VWA3A: variants seen among roughly 807,000 people sequenced by gnomAD.
The protein encoded by VWA3A is von Willebrand factor A domain containing 3A.
In VWA3A, 134 loss-of-function variants were observed where a neutral mutation model predicts 160.4. The ratio of observed to expected loss-of-function variants is 0.84; its 90% CI spans 0.73 to 0.96. The LOEUF (loss-of-function observed/expected upper bound fraction) is 0.96, where lower values mean the gene tolerates loss of function less well. Ranked by LOEUF, VWA3A falls within the 40% of genes least tolerant of loss-of-function variation. The pLI, the probability that VWA3A is intolerant of heterozygous loss-of-function variation, is 0.00. For synonymous variants in VWA3A, 476 were observed against 543.4 expected (o/e 0.88, Z 1.72); for missense variants, 1,310 against 1,447.9 (o/e 0.90, Z 1.55).
intron 14 of VWA3A, 27 bp downstream of exon 14, chr16:22,121,644 G>GGACTGGAGAGAA: frequency 1.9e-6 from 3 of 1,557,400 alleles, no homozygotes; most frequent in Non-Finnish European, 2.7e-6. Context: ...ATTCTCTCCA[G>GGACTGGAGAGAA]TCCTCCACAG....
intron 17 of VWA3A, among the ~76,000 whole-genome samples, chr16:22,130,287 A>C (rs1032747723): frequency 1.3e-5 from 2 of 152,130 alleles, no homozygotes; most frequent in African/African-American, 4.8e-5. Flanking sequence ...GGGGAAAGAG[A>C]AAAGAGCGAA....
intron 21 of VWA3A, among the ~76,000 whole-genome samples, chr16:22,134,995 C>T (rs953016838): frequency 1.3e-5 from 2 of 152,166 alleles, no homozygotes; most frequent in East Asian, 1.9e-4. Context: ...GTGGGCTGAT[C>T]GCTGGAGCCC....
chr16:22,141,770 A>G, intron 24 of VWA3A, 78 bp downstream of exon 24: 1 of 1,259,368 alleles, frequency 7.9e-7, no homozygotes, highest in Non-Finnish European at 1.1e-6. Flanking sequence ...TACCGTGGGA[A>G]GGAGACCCCT....
rs145098178 is a variant in VWA3A, at chr16:22,156,491, C to T, written c.*474C>T. 1.4e-3 allele frequency: 217 copies of T among 152,792 alleles called. 1 individual carries two copies. The highest frequency in any genetic ancestry group is 2.2e-3 in the Non-Finnish European group (151 of 68,446). The allele number at this position is 152,792 out of a possible 1,614,324, so 9.5% of individuals were successfully genotyped here. On this transcript the variant is annotated 3_prime_UTR_variant, in exon 34 of 34. Transcript: ENST00000389398. ...CTCTCGCACTCAGCACTCTATGTCA[C>T]GCCACCTTGCTCGCTGATCTAACTC...
At chr16:22,146,540 A>C (rs1208193016) in intron 27 of VWA3A, among the ~76,000 whole-genome samples, 196 bp downstream of exon 27, 1 of 152,078 alleles carries the variant, frequency 6.6e-6, no homozygotes, top group African/African-American at 2.4e-5. Flanking sequence ...TAATCTCTGC[A>C]CTTTGGGAGG....
intron 20 of VWA3A, among the ~76,000 whole-genome samples, chr16:22,134,105 A>G (rs1467988009): frequency 6.6e-6 from 1 of 152,030 alleles, no homozygotes; most frequent in Non-Finnish European, 1.5e-5. Context: ...CTGGGACTAC[A>G]GGTGTCCACC....
At position 22,144,357 on chromosome 16, in the gene VWA3A, C is replaced by T. The variant is rs774397721; in HGVS notation, c.2703C>T (p.Cys901=). 5.0e-6 allele frequency: 8 copies of T among 1,613,850 alleles called. No homozygotes were observed. In the South Asian group the frequency reaches 8.8e-5, roughly 18 times the overall value. The part of the protein sequence containing the change: ...SGQRSASAKH[C]SIFPSVEIHG... ...AGAGGTCAGCATCCGCCAAACACTG[C>T]AGCATCTTCCCCAGCGTTGAGATCC... Residue 901 remains cysteine (C), a synonymous_variant, in exon 26 of 34, where the codon TGC becomes TGT. Transcript: ENST00000389398.
At chr16:22,126,907 T>G (rs187291744) in intron 17 of VWA3A, among the ~76,000 whole-genome samples, 1 of 149,602 alleles carries the variant, frequency 6.7e-6, no homozygotes, top group East Asian at 2.0e-4. Context: ...ATAAATGGTA[T>G]GCAATTTTTA....
rs779445689 is a variant in VWA3A, at chr16:22,150,754, C to G, written c.3189C>G (p.Asp1063Glu). The G allele has an allele frequency of 1.9e-6, 3 of 1,612,886 alleles. No homozygotes were observed. In the East Asian group the frequency reaches 6.7e-5, roughly 36 times the overall value. The change falls in exon 30 of 34, where the codon GAC (aspartate) becomes GAG (glutamate). Residue 1063 changes from aspartate to glutamate, a missense_variant. Transcript: ENST00000389398. ...GLYLLTDGKP[D>E]TSCSLVLNEV... ...ACCTCCTGACCGACGGAAAGCCAGACACAAGCTGCAGCCTTGTCCTAAATG... is the reference window on the plus strand; with the variant it reads ...ACCTCCTGACCGACGGAAAGCCAGAGACAAGCTGCAGCCTTGTCCTAAATG...
rs191172729 is a variant in VWA3A at position 22,155,379 on chromosome 16, C to G, written c.3406-188C>G. ...CAGACACCATATTTCAAAGTTTCCC[C>G]TTTGCAGAATGACTGTCTTGATAGG... On this transcript the variant is annotated intron_variant, in intron 31 of 33. Coordinates refer to ENST00000389398, the MANE Select transcript of VWA3A (RefSeq NM_173615.5). Among the ~76,000 whole-genome samples the G allele has an allele frequency of 2.1e-4, 32 of 152,194 alleles. No individual in the cohort carries two copies. The East Asian group carries it at 3.7e-3, about 17-fold the overall frequency.
intron 9 of VWA3A, chr16:22,116,488 G>A: frequency 1.9e-6 from 1 of 531,286 alleles, no homozygotes; most frequent in Non-Finnish European, 3.4e-6. Flanking sequence ...AGAAAAGAAA[G>A]AGAAGGAAAG....
Position 22,115,348 on chromosome 16 carries a change from C to A in VWA3A, c.691C>A (p.Leu231Ile). The change falls in exon 9 of 34, where the codon CTC becomes ATC. Residue 231 changes from leucine (L) to isoleucine (I), a missense_variant and splice_region_variant. By Grantham distance (5) the Leu-to-Ile change is conservative. Transcript: ENST00000389398. Reference sequence around the variant, plus strand: ...GTTGCTGTTGTTGTCTCCTCCCAGCCTCCAGGAACTTAAGCTCTGGGTAAA... The same window carrying A: ...GTTGCTGTTGTTGTCTCCTCCCAGCATCCAGGAACTTAAGCTCTGGGTAAA... ...PDPMEVSAST[L>I]QELKLWVKTL... 2 of 1,592,156 alleles carry A rather than the reference C, an allele frequency of 1.3e-6. No homozygotes were observed. The highest frequency in any genetic ancestry group is 1.7e-6 in the Non-Finnish European group (2 of 1,169,998).
intron 31 of VWA3A, among the ~76,000 whole-genome samples, chr16:22,153,202 C>G (rs2046380217): frequency 6.6e-6 from 1 of 152,062 alleles, no homozygotes; most frequent in South Asian, 2.1e-4. Flanking sequence ...AAAAATTAGC[C>G]AGGCATGGTG....
chr16:22,097,495 C>A, intron 2 of VWA3A, 77 bp from the exon 3 acceptor site: 2 of 1,521,620 alleles, frequency 1.3e-6, no homozygotes, highest in Non-Finnish European at 8.8e-7. Flanking sequence ...GGGACTAGGG[C>A]AAAGAGAGGA....
intron 1 of VWA3A, among the ~76,000 whole-genome samples, chr16:22,094,763 T>G (rs1055290216): frequency 2.0e-5 from 3 of 152,008 alleles, no homozygotes; most frequent in Non-Finnish European, 4.4e-5. Context: ...GTCAAGAGTT[T>G]GAGACCGGCC....
chr16:22,147,054 C>A (rs2046265921), intron 27 of VWA3A, among the ~76,000 whole-genome samples: 1 of 152,136 alleles, frequency 6.6e-6, no homozygotes, highest in African/African-American at 2.4e-5. Flanking sequence ...GAAACAGGGT[C>A]TTTCTCTGTC....
Position 22,140,259 on chromosome 16 carries a change from C to CCA in VWA3A, c.2383+15_2383+16insCA. The CCA allele has an allele frequency of 6.2e-7, 1 of 1,611,882 alleles. No homozygotes were observed. The highest frequency in any genetic ancestry group is 1.1e-5 in the South Asian group (1 of 90,898). ...CATCTCACCAGGTAAGGCACCATCACGGTCAGGCAGGGTGGAGGGATGTCA... is the reference window on the plus strand; with the variant it reads ...CATCTCACCAGGTAAGGCACCATCACCAGGTCAGGCAGGGTGGAGGGATGTCA... On this transcript the variant is annotated intron_variant, in intron 23 of 33. Transcript: ENST00000389398.
At chr16:22,111,593 T>C (rs2045552211) in intron 8 of VWA3A, among the ~76,000 whole-genome samples, 1 of 152,158 alleles carries the variant, frequency 6.6e-6, no homozygotes, top group Non-Finnish European at 1.5e-5. Context: ...GTGATTCTCA[T>C]GCCTCAGCCT....
chr16:22,123,792 A>T, intron 16 of VWA3A, 85 bp downstream of exon 16: 1 of 1,275,172 alleles, frequency 7.8e-7, no homozygotes, highest in Non-Finnish European at 1.1e-6. Context: ...CCCTGTTGGT[A>T]GCATCAGAAG....
Sources: gnomAD v4.1 joint callset for allele counts (sites outside exome capture counted in the v4.1 genomes callset) on GRCh38, gnomAD v4.1.1 for gene constraint, MANE v1.5 for transcripts, NCBI Gene and HGNC (gene_info 2026-07-23, HGNC 2026-07-21) for gene names.